Variants in CDH4 observed in about 807,000 individuals in gnomAD.
The protein encoded by CDH4 is cadherin-4.
A neutral mutation model predicts 86.0 loss-of-function variants in CDH4; 33 were observed. The ratio of observed to expected loss-of-function variants is 0.38; its 90% CI spans 0.29 to 0.51. The LOEUF (loss-of-function observed/expected upper bound fraction) is 0.51, where lower values mean the gene tolerates loss of function less well. Among genes scored for constraint, CDH4 ranks in the 20% least tolerant of loss-of-function variants. The pLI is 0.86. For synonymous variants in CDH4, 555 were observed against 549.4 expected, an observed-to-expected ratio of 1.01 and a Z score of -0.14; for missense variants, 1,114 against 1,307.4, an observed-to-expected ratio of 0.85 and a Z score of 2.28.
In CDH4 at chr20:61,510,089, A is replaced by G. The variant is rs564260445; in HGVS notation, c.170-233474A>G. On this transcript the variant is annotated intron_variant, in intron 2 of 15. Coordinates refer to ENST00000614565, the MANE Select transcript of CDH4 (RefSeq NM_001794.5). The surrounding 1 kb of genome is among the most constrained non-coding windows in gnomAD (Gnocchi z 4.2). ...ATTTGAAATGTTCTATTGAAAGTCT[A>G]TGTAACTCTGTGAGTGTTTTCCAGT... Among the ~76,000 whole-genome samples, 8 of 152,340 alleles carry G rather than the reference A, an allele frequency of 5.3e-5. No homozygotes were observed. The highest frequency in any genetic ancestry group is 2.6e-4 in the Admixed American group (4 of 15,310).
At chr20:61,300,115 C>T (rs1360363494) in intron 2 of CDH4, among the ~76,000 whole-genome samples, 1 of 152,136 alleles carries the variant, frequency 6.6e-6, no homozygotes, top group Admixed American at 6.5e-5. Context: ...GACGTCCAGC[C>T]TGCTTGGAGC....
chr20:61,593,002 AG>A (rs920057910), intron 2 of CDH4, among the ~76,000 whole-genome samples: 14 of 151,960 alleles, frequency 9.2e-5, no homozygotes, highest in African/African-American at 3.4e-4. Flanking sequence ...TCCTTATAGG[AG>A]GGGGGCAGGA....
intron 2 of CDH4, among the ~76,000 whole-genome samples, chr20:61,545,387 G>A (rs921861751): frequency 4.6e-5 from 7 of 152,264 alleles, no homozygotes; most frequent in African/African-American, 1.7e-4. Context: ...GCCTGTCGGA[G>A]TGAAGGATGC....
chr20:61,652,221 G>C (rs892113626), intron 2 of CDH4, among the ~76,000 whole-genome samples: 17 of 152,266 alleles, frequency 1.1e-4, no homozygotes, highest in African/African-American at 4.1e-4. Flanking sequence ...AAATCCTACA[G>C]AACCCCAGTA....
At chr20:61,361,119 G>A (rs1192488218) in intron 2 of CDH4, among the ~76,000 whole-genome samples, 8 of 152,188 alleles carry the variant, frequency 5.3e-5, no homozygotes, top group South Asian at 2.1e-4. Flanking sequence ...ACGTGGAGAC[G>A]ACTTGGCTGG....
rs748654362 is a variant in CDH4 at position 61,934,149 on chromosome 20, G to A, written c.2473G>A (p.Gly825Ser). ...GVRRVDERPV[G>S]AEPQYPIRPM... Reference sequence around the variant, plus strand: ...GCGTCGCGTGGATGAGCGGCCGGTGGGCGCTGAGCCCCAGTACCCGATCAG... The same window carrying A: ...GCGTCGCGTGGATGAGCGGCCGGTGAGCGCTGAGCCCCAGTACCCGATCAG... Residue 825 changes from glycine (G) to serine (S), a missense_variant, in exon 15 of 16, where the codon GGC becomes AGC. Gly to Ser is a moderately conservative substitution (Grantham distance 56, BLOSUM62 0). Transcript: ENST00000614565. 1 of 1,609,994 alleles carries A rather than the reference G, an allele frequency of 6.2e-7. No individual in the cohort carries two copies. The highest frequency in any genetic ancestry group is 8.5e-7 in the Non-Finnish European group (1 of 1,178,456).
chr20:61,431,980 TGC>T (rs1361078008), intron 2 of CDH4, among the ~76,000 whole-genome samples: 2 of 152,222 alleles, frequency 1.3e-5, no homozygotes, highest in Admixed American at 1.3e-4. Context: ...TGTGCGTGTG[TGC>T]CCCTTCTAAT....
chr20:61,903,540 T>TAAAAACAAAAAAA (rs2054752371), intron 8 of CDH4, among the ~76,000 whole-genome samples: 1 of 90,886 alleles, frequency 1.1e-5, no homozygotes, highest in African/African-American at 4.7e-5. Context: ...AGAGACTCCA[T>TAAAAACAAAAAAA]AAAAAAAAAA....
chr20:61,276,606 G>T (rs910107320), intron 2 of CDH4, among the ~76,000 whole-genome samples: 1 of 152,216 alleles, frequency 6.6e-6, no homozygotes, highest in Non-Finnish European at 1.5e-5. Context: ...TTCTTGGGAT[G>T]ATGTTCTGTG....
intron 2 of CDH4, among the ~76,000 whole-genome samples, chr20:61,677,776 T>TA (rs10667450): frequency 0.027 from 4,136 of 151,164 alleles, 183 homozygotes; most frequent in African/African-American, 0.09. Context: ...GTTAGATAGA[T>TA]GATGAATGGA....
rs544994835 is a variant in CDH4 at position 61,807,531 on chromosome 20, G to C, written c.576+34349G>C. The stretch of plus-strand genomic sequence containing the variant: ...TGGGAAGTTGCAGCCCTTTCTCCCC[G>C]TCAAGGTGCAGCTGTGTCCACCATC... On this transcript the variant is annotated intron_variant, in intron 4 of 15. Coordinates refer to ENST00000614565, the MANE Select transcript of CDH4 (RefSeq NM_001794.5). The surrounding 1 kb of genome is among the most constrained non-coding windows in gnomAD (Gnocchi z 4.5). Among the ~76,000 whole-genome samples, 10 of 152,172 alleles carry C rather than the reference G, an allele frequency of 6.6e-5. No individual in the cohort carries two copies. The highest frequency in any genetic ancestry group is 2.4e-4 in the African/African-American group (10 of 41,426).
chr20:61,482,417 G>T (rs2085573007), intron 2 of CDH4, among the ~76,000 whole-genome samples: 1 of 152,202 alleles, frequency 6.6e-6, no homozygotes, highest in Non-Finnish European at 1.5e-5. Flanking sequence ...ACATTCAGGT[G>T]CCAGGAAGGG....
At position 61,939,303 on chromosome 20, in the gene CDH4, G is replaced by C. The variant is rs557721965; in HGVS notation, c.*2360G>C. 6.6e-6 allele frequency: 1 copy of C among 152,466 alleles called. No individual in the cohort carries two copies. Among genetic ancestry groups the C allele is most frequent in the South Asian group, 2.1e-4 (1 of 4,826 alleles). The allele number at this position is 152,466 out of a possible 1,614,324, so 9.4% of individuals were successfully genotyped here. The stretch of plus-strand genomic sequence containing the variant: ...GCACCAGGAGACCCCAGTCCCGCCA[G>C]CAGCCGCCGCTACCCAGGAGGGCTG... On this transcript the variant is annotated 3_prime_UTR_variant, in exon 16 of 16. Transcript: ENST00000614565.
At chr20:61,605,538 C>T (rs947284512) in intron 2 of CDH4, among the ~76,000 whole-genome samples, 2 of 150,252 alleles carry the variant, frequency 1.3e-5, no homozygotes, top group African/African-American at 4.9e-5. Context: ...TGTCTCTCTC[C>T]TTCTGTCTCT....
Position 61,936,882 on chromosome 20 carries a change from A to G in CDH4, c.2690A>G (p.Asn897Ser), listed in dbSNP as rs776832248. 4 of 1,604,478 alleles carry G rather than the reference A, an allele frequency of 2.5e-6. No individual in the cohort carries two copies. The highest frequency in any genetic ancestry group is 2.3e-5 in the East Asian group (1 of 44,064). ...GGGGACCAAGACTACGATTACCTCA[A>G]CGACTGGGGGCCCAGATTCAAGAAG... The part of the protein sequence containing the change: ...SSGDQDYDYL[N>S]DWGPRFKKLA... Residue 897 changes from asparagine (N) to serine (S), a missense_variant, in exon 16 of 16, where the codon AAC becomes AGC. Transcript: ENST00000614565.
At chr20:61,667,990 T>G (rs1185057124) in intron 2 of CDH4, among the ~76,000 whole-genome samples, 1 of 152,214 alleles carries the variant, frequency 6.6e-6, no homozygotes, top group Non-Finnish European at 1.5e-5. Flanking sequence ...TAAGTGCTCT[T>G]GAGAGGCTGG....
At chr20:61,935,982 C>A (rs1474131575) in intron 15 of CDH4, among the ~76,000 whole-genome samples, 5 of 152,162 alleles carry the variant, frequency 3.3e-5, no homozygotes, top group African/African-American at 1.2e-4. Context: ...CTGAATGACA[C>A]TGAGTACCCT....
At chr20:61,261,457 A>G (rs1600813606) in intron 2 of CDH4, among the ~76,000 whole-genome samples, 1 of 152,330 alleles carries the variant, frequency 6.6e-6, no homozygotes, top group African/African-American at 2.4e-5. Flanking sequence ...TTATAATATA[A>G]TAACATTATG....
At chr20:61,307,963 GGAGCTGTCATATGTGGT>G (rs1175974703) in intron 2 of CDH4, among the ~76,000 whole-genome samples, 1 of 152,194 alleles carries the variant, frequency 6.6e-6, no homozygotes, top group Non-Finnish European at 1.5e-5. Context: ...TGTCACCGTA[GGAGCTGTCATATGTGGT>G]GACTGCCCAC....
Sources: allele counts gnomAD v4.1 joint callset (sites outside exome capture counted in the v4.1 genomes callset), GRCh38; gene constraint gnomAD v4.1.1; non-coding constraint Gnocchi (gnomAD v3.1); transcripts MANE v1.5; gene names NCBI Gene and HGNC (gene_info 2026-07-23, HGNC 2026-07-21).